SGCD: variants seen among roughly 807,000 people sequenced by gnomAD.
SGCD encodes the protein delta-sarcoglycan.
In SGCD, 18 loss-of-function variants were observed where a neutral mutation model predicts 36.6. The ratio of observed to expected loss-of-function variants is 0.49; its 90% CI spans 0.34 to 0.73. The LOEUF (loss-of-function observed/expected upper bound fraction) is 0.73, where lower values mean the gene tolerates loss of function less well. Among genes scored for constraint, SGCD ranks in the 30% least tolerant of loss-of-function variants. The pLI, the probability that SGCD is intolerant of heterozygous loss-of-function variation, is 0.01. For synonymous variants in SGCD, 133 were observed against 130.6 expected (o/e 1.02, Z -0.12); for missense variants, 387 against 346.7 (o/e 1.12, Z -0.92).
At chr5:156,615,342 TTAAA>T (rs1257637709) in intron 6 of SGCD, among the ~76,000 whole-genome samples, 1 of 152,276 alleles carries the variant, frequency 6.6e-6, no homozygotes, top group Non-Finnish European at 1.5e-5. Context: ...GATTAGTTTT[TTAAA>T]TATATCCTCT....
intron 1 of SGCD, among the ~76,000 whole-genome samples, chr5:155,922,205 C>T (rs1264026058): frequency 6.6e-6 from 1 of 152,086 alleles, no homozygotes; most frequent in Non-Finnish European, 1.5e-5. Flanking sequence ...AGTTTTAATG[C>T]TGTGGGTTTA....
intron 1 of SGCD, among the ~76,000 whole-genome samples, chr5:155,927,784 G>A (rs1038325934): frequency 2.0e-5 from 3 of 152,150 alleles, no homozygotes; most frequent in African/African-American, 7.2e-5. Context: ...TGAAGTTGTT[G>A]TTTTGTAAGA....
chr5:156,343,043 C>T (rs1009293361), intron 2 of SGCD, among the ~76,000 whole-genome samples: 4 of 152,200 alleles, frequency 2.6e-5, no homozygotes, highest in Non-Finnish European at 5.9e-5. Context: ...TCCACTGATG[C>T]CTAACGGCCA....
At chr5:156,598,817 C>A (rs919114880) in intron 6 of SGCD, among the ~76,000 whole-genome samples, 2 of 152,176 alleles carry the variant, frequency 1.3e-5, no homozygotes, top group African/African-American at 2.4e-5. Context: ...CTACCCTACC[C>A]CACCCCCACA....
At chr5:156,310,561 T>C (rs1767366010) in intron 3 of SGCD, among the ~76,000 whole-genome samples, 3 of 152,198 alleles carry the variant, frequency 2.0e-5, no homozygotes. Context: ...AACCCTCCCC[T>C]GGAAATAGCA....
intron 4 of SGCD, among the ~76,000 whole-genome samples, chr5:156,526,472 A>C (rs750988649): frequency 2.0e-5 from 3 of 152,206 alleles, no homozygotes; most frequent in Non-Finnish European, 4.4e-5. Context: ...TGCCACTTGC[A>C]TGGAACACGA....
chr5:156,580,075 T>C (rs1760181497), intron 4 of SGCD, among the ~76,000 whole-genome samples: 1 of 152,220 alleles, frequency 6.6e-6, no homozygotes, highest in Non-Finnish European at 1.5e-5. Context: ...CCATGTTTAG[T>C]GCTTCCTTCA....
At chr5:156,357,687 T>C (rs1769561839) in intron 3 of SGCD, among the ~76,000 whole-genome samples, 1 of 152,206 alleles carries the variant, frequency 6.6e-6, no homozygotes. Flanking sequence ...GCTTGTTGCT[T>C]TGATAAATAA....
chr5:156,144,187 G>T (rs1004108633), intron 3 of SGCD, among the ~76,000 whole-genome samples: 2 of 151,998 alleles, frequency 1.3e-5, no homozygotes, highest in South Asian at 2.1e-4. Context: ...GAATAGTGCC[G>T]CAATAAACAT....
chr5:156,594,221 G>A (rs1760835555), intron 5 of SGCD, among the ~76,000 whole-genome samples: 1 of 152,144 alleles, frequency 6.6e-6, no homozygotes, highest in South Asian at 2.1e-4. Context: ...GTATATTGGT[G>A]TGTCTCCATC....
chr5:156,280,690 AAAATCAATCAT>A (rs1200945180), intron 3 of SGCD, among the ~76,000 whole-genome samples: 15 of 152,198 alleles, frequency 9.9e-5, no homozygotes, highest in Non-Finnish European at 1.5e-4. Context: ...TGCTGTTTTA[AAAATCAATCAT>A]AGATACATTT....
chr5:156,735,059 G>A (rs188582395), intron 7 of SGCD, among the ~76,000 whole-genome samples: 87 of 152,230 alleles, frequency 5.7e-4, no homozygotes, highest in African/African-American at 2.0e-3. Flanking sequence ...CTTTTCTTAA[G>A]GCCTGCTGCA....
At chr5:156,378,050 A>G (rs75963179) in intron 3 of SGCD, among the ~76,000 whole-genome samples, 358 of 152,292 alleles carry the variant, frequency 2.4e-3, no homozygotes, top group African/African-American at 8.0e-3. Flanking sequence ...TTTGTTCACT[A>G]GTGTTCATCG....
chr5:156,020,956 G>A (rs1759083070), intron 1 of SGCD, among the ~76,000 whole-genome samples: 1 of 152,188 alleles, frequency 6.6e-6, no homozygotes, highest in South Asian at 2.1e-4. Flanking sequence ...AACAAAACTT[G>A]CACAGAAAAC....
Position 156,711,478 on chromosome 5 carries a change from C to T in SGCD, c.576-46103C>T, listed in dbSNP as rs541182633. ...AACTTTTTGATGCAAGCATCCCTGG[C>T]ACCCTTCAGTATCAACGTAAGTACT... is the stretch of plus-strand genomic sequence containing the variant. On this transcript the variant is annotated intron_variant, in intron 7 of 8. Transcript: ENST00000337851. 3.3e-5 allele frequency among the ~76,000 whole-genome samples: 5 copies of T among 152,286 alleles called. No individual in the cohort carries two copies. The South Asian group carries it at 6.2e-4, about 19-fold the overall frequency.
the SGCD span, among the ~76,000 whole-genome samples, chr5:155,754,409 C>G: frequency 6.6e-6 from 1 of 152,104 alleles, no homozygotes. Context: ...GTGACACTTG[C>G]CATGGGAGGA....
chr5:155,894,690 G>A (rs1756209350), intron 1 of SGCD, among the ~76,000 whole-genome samples: 1 of 152,074 alleles, frequency 6.6e-6, no homozygotes, highest in Admixed American at 6.6e-5. Context: ...GCATATGTGA[G>A]GGATCTAGGT....
intron 1 of SGCD, among the ~76,000 whole-genome samples, chr5:155,926,083 G>T (rs1756992698): frequency 6.6e-6 from 1 of 152,096 alleles, no homozygotes; most frequent in Non-Finnish European, 1.5e-5. Flanking sequence ...ATCTGCTTGT[G>T]AGGATATCAG....
the SGCD span, among the ~76,000 whole-genome samples, chr5:155,741,468 A>G: frequency 2.6e-4 from 40 of 152,052 alleles, no homozygotes; most frequent in African/African-American, 9.2e-4. Context: ...AGGGCCTACT[A>G]TCTGTCATGT....
Sources: allele counts gnomAD v4.1 joint callset (sites outside exome capture counted in the v4.1 genomes callset), GRCh38; gene constraint gnomAD v4.1.1; transcripts MANE v1.5; gene names NCBI Gene and HGNC (gene_info 2026-07-23, HGNC 2026-07-21).